CLIC6: variants seen among roughly 807,000 people sequenced by gnomAD.
CLIC6 encodes the protein CLIC family member 6.
In CLIC6, 39 loss-of-function variants were observed where a neutral mutation model predicts 49.2. The ratio of observed to expected loss-of-function variants is 0.79; its 90% confidence interval spans 0.61 to 1.04. The LOEUF (loss-of-function observed/expected upper bound fraction) is 1.04, where lower values mean the gene tolerates loss of function less well. Among genes scored for constraint, CLIC6 ranks in the 50% least tolerant of loss-of-function variants. CLIC6 has a pLI of 0.00. For missense variants in CLIC6, 988 were observed against 993.1 expected, an observed-to-expected ratio of 0.99 and a Z score of 0.07; for synonymous variants, 446 against 433.4, an observed-to-expected ratio of 1.03 and a Z score of -0.36.
At chr21:34,694,805 T>G (rs1363426116) in intron 1 of CLIC6, among the ~76,000 whole-genome samples, 2 of 152,240 alleles carry the variant, frequency 1.3e-5, no homozygotes, top group Non-Finnish European at 2.9e-5. Flanking sequence ...TCTCACTTTT[T>G]CTCCATGGCA....
intron 1 of CLIC6, among the ~76,000 whole-genome samples, chr21:34,674,340 C>T (rs1221300720): frequency 6.6e-6 from 1 of 152,234 alleles, no homozygotes; most frequent in East Asian, 1.9e-4. Flanking sequence ...GACCCTCCCA[C>T]TCTGGCGTTT....
At chr21:34,693,315 GT>G (rs1166771309) in intron 1 of CLIC6, among the ~76,000 whole-genome samples, 3 of 152,160 alleles carry the variant, frequency 2.0e-5, no homozygotes, top group Non-Finnish European at 2.9e-5. Context: ...AGATGGTTTA[GT>G]CCCCCACTAG....
rs921016480 is a variant in CLIC6 at position 34,712,793 on chromosome 21, C to T, written c.1899+3255C>T. Among the ~76,000 whole-genome samples, 4 of 152,338 alleles carry T rather than the reference C, an allele frequency of 2.6e-5. No individual in the cohort carries two copies. In the South Asian group the frequency reaches 6.2e-4, roughly 24 times the overall value. ...AGAGAGACTAGAATTGCCCAAACTT[C>T]GTTTCTAGCCACAGTGGCCTTCTGC... On this transcript the variant is annotated intron_variant, in intron 5 of 5. Transcript: ENST00000349499.
chr21:34,704,146 G>A (rs1021887219), intron 1 of CLIC6, among the ~76,000 whole-genome samples: 3 of 152,154 alleles, frequency 2.0e-5, no homozygotes, highest in Non-Finnish European at 2.9e-5. Flanking sequence ...CAATTATGGC[G>A]ACAGTGTCAG....
intron 1 of CLIC6, among the ~76,000 whole-genome samples, chr21:34,674,786 AG>A: frequency 6.6e-6 from 1 of 152,338 alleles, no homozygotes; most frequent in East Asian, 1.9e-4. Context: ...ATAATAACAA[AG>A]GGTAACAACA....
intron 1 of CLIC6, among the ~76,000 whole-genome samples, chr21:34,681,077 G>T (rs1989770764): frequency 6.6e-6 from 1 of 152,186 alleles, no homozygotes; most frequent in African/African-American, 2.4e-5. Flanking sequence ...ATAAAGAACT[G>T]CCTGAGACTG....
At chr21:34,708,419 T>C (rs542165979) in intron 3 of CLIC6, among the ~76,000 whole-genome samples, 1 of 152,200 alleles carries the variant, frequency 6.6e-6, no homozygotes, top group African/African-American at 2.4e-5. Context: ...TCCATCCCCT[T>C]CGTTTTACTA....
At chr21:34,679,393 T>G (rs116770128) in intron 1 of CLIC6, among the ~76,000 whole-genome samples, 2,883 of 152,250 alleles carry the variant, frequency 0.019, 96 homozygotes, top group African/African-American at 0.066. Context: ...GACACTTGGG[T>G]ATTATTACAA....
intron 1 of CLIC6, among the ~76,000 whole-genome samples, chr21:34,686,990 T>G (rs1195178587): frequency 6.6e-6 from 1 of 152,202 alleles, no homozygotes; most frequent in Non-Finnish European, 1.5e-5. Context: ...GCTCAAATCC[T>G]TCACTCACAA....
At chr21:34,689,243 T>G (rs1438238648) in intron 1 of CLIC6, among the ~76,000 whole-genome samples, 1 of 152,188 alleles carries the variant, frequency 6.6e-6, no homozygotes, top group Non-Finnish European at 1.5e-5. Flanking sequence ...ACCTCCCCTT[T>G]GGTTTTCCAC....
chr21:34,677,335 A>G (rs553713363), intron 1 of CLIC6, among the ~76,000 whole-genome samples: 1 of 152,206 alleles, frequency 6.6e-6, no homozygotes, highest in Non-Finnish European at 1.5e-5. Flanking sequence ...ACAATTTGGT[A>G]TATGTTAAGA....
chr21:34,682,961 G>A (rs796616903), intron 1 of CLIC6, among the ~76,000 whole-genome samples: 70 of 151,602 alleles, frequency 4.6e-4, no homozygotes, highest in African/African-American at 1.6e-3. Flanking sequence ...ACAGGCGCCC[G>A]CCAACACGCC....
Position 34,705,116 on chromosome 21 carries a change from A to G in CLIC6, c.1375-2164A>G, listed in dbSNP as rs376666791. Reference sequence around the variant, plus strand: ...CTTATTTTAGACTTTGCTGTGCTTCATGTAACTACTATAAAAATGAGAGGT... The same window carrying G: ...CTTATTTTAGACTTTGCTGTGCTTCGTGTAACTACTATAAAAATGAGAGGT... On this transcript the variant is annotated intron_variant, in intron 1 of 5. Transcript: ENST00000349499. Among the ~76,000 whole-genome samples, 19 of 152,370 alleles carry G rather than the reference A, an allele frequency of 1.2e-4. No homozygotes were observed. In the South Asian group the frequency reaches 3.5e-3, roughly 28 times the overall value.
rs1387262810 is a variant in CLIC6 at position 34,669,353 on chromosome 21, G to A, written c.-36G>A. On this transcript the variant is annotated 5_prime_UTR_variant, in exon 1 of 6. Coordinates refer to ENST00000349499, the MANE Select transcript of CLIC6 (RefSeq NM_053277.3). ...GCCACCGACCCTTAAGCAGCGTCAA[G>A]GAAGGAGTCCCGATCAAGGACAGGG... 4 of 1,233,902 alleles carry A rather than the reference G, an allele frequency of 3.2e-6. No homozygotes were observed. The highest frequency in any genetic ancestry group is 3.0e-6 in the Non-Finnish European group (3 of 988,504). The allele number at this position is 1,233,902 out of a possible 1,614,324, so 76.4% of individuals were successfully genotyped here. A position where few individuals can be genotyped will look rare whatever the true frequency, so the allele number is the denominator to read the frequency against.
rs562110021 is a variant in CLIC6, at chr21:34,684,798, G to A, written c.1374+14036G>A. Among the ~76,000 whole-genome samples, 27 of 152,320 alleles carry A rather than the reference G, an allele frequency of 1.8e-4. No homozygotes were observed. In the South Asian group the frequency reaches 5.4e-3, roughly 30 times the overall value. On this transcript the variant is annotated intron_variant, in intron 1 of 5. Coordinates refer to ENST00000349499, the MANE Select transcript of CLIC6 (RefSeq NM_053277.3). ...GTAATTATAGTACACAAGCAAGGAG[G>A]ACCTGGAAATGTGACCTAGGTCATT...
chr21:34,699,851 C>G (rs771771217), intron 1 of CLIC6, among the ~76,000 whole-genome samples: 2 of 152,174 alleles, frequency 1.3e-5, no homozygotes, highest in Admixed American at 6.5e-5. Context: ...TCTTCTGTTC[C>G]TGTGGTGAAG....
chr21:34,683,264 T>G (rs1204089210), intron 1 of CLIC6, among the ~76,000 whole-genome samples: 2 of 152,236 alleles, frequency 1.3e-5, no homozygotes, highest in Non-Finnish European at 2.9e-5. Flanking sequence ...CACCCCATCT[T>G]CAGATGTAAG....
At chr21:34,698,193 A>G (rs1445793246) in intron 1 of CLIC6, among the ~76,000 whole-genome samples, 1 of 152,172 alleles carries the variant, frequency 6.6e-6, no homozygotes, top group Non-Finnish European at 1.5e-5. Flanking sequence ...TTCATGGGGT[A>G]CCTTCCGTGG....
chr21:34,677,638 G>A (rs1989697878), intron 1 of CLIC6, among the ~76,000 whole-genome samples: 1 of 152,144 alleles, frequency 6.6e-6, no homozygotes, highest in Non-Finnish European at 1.5e-5. Context: ...AATATCTCAA[G>A]TAGGAAACTA....
Sources: gnomAD v4.1 joint callset for allele counts (sites outside exome capture counted in the v4.1 genomes callset) on GRCh38, gnomAD v4.1.1 for gene constraint, MANE v1.5 for transcripts, NCBI Gene and HGNC (gene_info 2026-07-23, HGNC 2026-07-21) for gene names.